The following GRIK5 variants were observed in gnomAD, a reference collection of about 807,000 sequenced individuals.
GRIK5 encodes glutamate ionotropic receptor kainate type subunit 5.
In GRIK5, 43 loss-of-function variants were observed where a neutral mutation model predicts 97.4. The observed-to-expected ratio is 0.44, with a 90% CI of 0.35 to 0.57. The LOEUF (loss-of-function observed/expected upper bound fraction) is 0.57. Ranked by LOEUF, GRIK5 falls within the 20% of genes least tolerant of loss-of-function variation. The pLI is 0.01. For synonymous variants in GRIK5, 580 were observed against 583.5 expected, an observed-to-expected ratio of 0.99 and a Z score of 0.09; for missense variants, 1,015 against 1,382.0, an observed-to-expected ratio of 0.73 and a Z score of 4.21.
chr19:42,054,754 G>C (rs529677945), intron 8 of GRIK5, among the ~76,000 whole-genome samples: 1 of 152,328 alleles, frequency 6.6e-6, no homozygotes, highest in South Asian at 2.1e-4. Flanking sequence ...ATAGCTAGCT[G>C]TGTCACCTGC....
At chr19:42,004,951 G>A (rs1599743082) in intron 17 of GRIK5, among the ~76,000 whole-genome samples, 1 of 152,042 alleles carries the variant, frequency 6.6e-6, no homozygotes. Flanking sequence ...TGTGACTCCT[G>A]AGCCTGTCCT....
rs1438484131 is a variant in GRIK5 at position 42,021,756 on chromosome 19, ACAGT to A, written c.1697+187_1697+190del. On this transcript the variant is annotated intron_variant, in intron 14 of 19. Coordinates refer to ENST00000593562, the MANE Select transcript of GRIK5 (RefSeq NM_002088.5). The surrounding 1 kb of genome is among the most constrained non-coding windows in gnomAD (Gnocchi z 4.2). ...AGACCTGAACAGAGAACCACAGAGC[ACAGT>A]CAGAGCCACAAGGGGAAGAATGAGA... 2.0e-5 allele frequency among the ~76,000 whole-genome samples: 3 copies of A among 152,192 alleles called. No individual in the cohort carries two copies. Among genetic ancestry groups the A allele is most frequent in the Admixed American group, 1.3e-4 (2 of 15,288 alleles).
chr19:42,066,745 C>T (rs907750198), intron 1 of GRIK5, among the ~76,000 whole-genome samples: 2 of 151,234 alleles, frequency 1.3e-5, no homozygotes, highest in South Asian at 2.1e-4. Flanking sequence ...GAGCAGGGAG[C>T]GGAGGAAAGA....
chr19:41,998,666 C>T lies in GRIK5; in HGVS notation c.*205G>A, dbSNP rs894647963. On this transcript the variant is annotated 3_prime_UTR_variant, in exon 20 of 20. Coordinates refer to ENST00000593562, the MANE Select transcript of GRIK5 (RefSeq NM_002088.5). ...TCCTGCGCCCTTCTCGCCCGCGGCA[C>T]CCTCTCGCGAGTCCACTGGGGGGCG... The T allele has an allele frequency of 5.0e-6, 1 of 198,498 alleles. No homozygotes were observed. The highest frequency in any genetic ancestry group is 6.0e-5 in the Admixed American group (1 of 16,628). 12.3% of individuals were successfully genotyped at this position (198,498 alleles called of 1,614,324 possible).
chr19:42,038,822 C>A (rs769602888), intron 12 of GRIK5, among the ~76,000 whole-genome samples: 1 of 152,228 alleles, frequency 6.6e-6, no homozygotes, highest in Non-Finnish European at 1.5e-5. Flanking sequence ...GTTGTGATGA[C>A]GGTGGTGACT....
chr19:42,028,637 TC>T (rs1269870529), intron 12 of GRIK5, among the ~76,000 whole-genome samples: 1 of 152,366 alleles, frequency 6.6e-6, no homozygotes. Context: ...GGTCTGACTT[TC>T]AGCTCCACAG....
chr19:42,055,830 A>T (rs558800048), intron 8 of GRIK5, among the ~76,000 whole-genome samples: 3 of 151,468 alleles, frequency 2.0e-5, no homozygotes, highest in Admixed American at 6.6e-5. Context: ...TTACAGGCAT[A>T]CGCCACCACA....
At chr19:42,060,921 T>C (rs75421566) in intron 5 of GRIK5, among the ~76,000 whole-genome samples, 93 of 152,318 alleles carry the variant, frequency 6.1e-4, no homozygotes, top group African/African-American at 2.2e-3. Context: ...GTAATGCACT[T>C]ATTTGTGGTG....
At chr19:42,059,660 C>T in intron 5 of GRIK5, 133 bp from the exon 6 acceptor site, 2 of 711,302 alleles carry the variant, frequency 2.8e-6, no homozygotes, top group South Asian at 4.0e-5. Context: ...GCAGCTGGGT[C>T]CCATGGGGTA....
In GRIK5 at chr19:42,062,411, C is replaced by T; in HGVS notation, c.508+77G>A. 9.4e-6 allele frequency: 14 copies of T among 1,482,642 alleles called. No homozygotes were observed. Among genetic ancestry groups the T allele is most frequent in the Non-Finnish European group, 1.3e-5 (14 of 1,081,012 alleles). The allele number at this position is 1,482,642 out of a possible 1,614,324, so 91.8% of individuals were successfully genotyped here. A position where few individuals can be genotyped will look rare whatever the true frequency, so the allele number is the denominator to read the frequency against. On this transcript the variant is annotated intron_variant, in intron 5 of 19. Coordinates refer to ENST00000593562, the MANE Select transcript of GRIK5 (RefSeq NM_002088.5). This position sits in a 1 kb window ranked among gnomAD's most constrained non-coding sequence, Gnocchi z 5.3. ...AGGGTTCTAACTAGGGGGCAGTGAA[C>T]CACTGTGTGGGACACCAGATCTCTT...
Position 42,065,079 on chromosome 19 carries a change from G to T in GRIK5, c.244+144C>A. The stretch of plus-strand genomic sequence containing the variant: ...CCCAGGCCCAGCAGCAGCCATGTCT[G>T]GGAAGAAGGCAGAGACAAACACAAA... On this transcript the variant is annotated intron_variant, in intron 3 of 19. Transcript: ENST00000593562. The surrounding 1 kb of genome is among the most constrained non-coding windows in gnomAD (Gnocchi z 5.8). 1.4e-6 allele frequency: 1 copy of T among 713,110 alleles called. No homozygotes were observed. The highest frequency in any genetic ancestry group is 2.3e-6 in the Non-Finnish European group (1 of 443,304). 44.2% of individuals were successfully genotyped at this position (713,110 alleles called of 1,614,324 possible).
chr19:42,068,545 A>G, intron 1 of GRIK5: 1 of 399,994 alleles, frequency 2.5e-6, no homozygotes, highest in Non-Finnish European at 4.4e-6. Flanking sequence ...TGGAAAAGTG[A>G]CAGAGGGAAG....
At chr19:42,025,504 C>T (rs564258896) in intron 12 of GRIK5, among the ~76,000 whole-genome samples, 4 of 152,206 alleles carry the variant, frequency 2.6e-5, no homozygotes, top group South Asian at 2.1e-4. Flanking sequence ...GCCAATATGG[C>T]GGCGGCAGCA....
chr19:42,043,399 ATTTTT>A (rs984583211), intron 11 of GRIK5, among the ~76,000 whole-genome samples: 5 of 121,314 alleles, frequency 4.1e-5, no homozygotes, highest in Non-Finnish European at 6.9e-5. Flanking sequence ...AGATGGTGCA[ATTTTT>A]TTTTTTTTTT....
intron 12 of GRIK5, among the ~76,000 whole-genome samples, chr19:42,029,237 T>A (rs2075810966): frequency 6.6e-6 from 1 of 151,916 alleles, no homozygotes; most frequent in African/African-American, 2.4e-5. Context: ...CCAGCTAATT[T>A]TTGTATTTTT....
intron 12 of GRIK5, among the ~76,000 whole-genome samples, chr19:42,030,889 C>A (rs147505030): frequency 2.0e-4 from 31 of 152,280 alleles, no homozygotes; most frequent in African/African-American, 7.5e-4. Context: ...GATCAGCATA[C>A]TGTTGTCAAT....
chr19:42,002,389 TG>T lies in GRIK5; in HGVS notation c.2514+942del. ...CCAATAAAGAGAGGACAACTGATGC[TG>T]CAGGAGGAAAGGACAGACTTGCCGG... On this transcript the variant is annotated intron_variant, in intron 19 of 19. Coordinates refer to ENST00000593562, the MANE Select transcript of GRIK5 (RefSeq NM_002088.5). The surrounding 1 kb of genome is among the most constrained non-coding windows in gnomAD (Gnocchi z 5.2). 1.4e-6 allele frequency: 1 copy of T among 717,626 alleles called. No individual in the cohort carries two copies. Among genetic ancestry groups the T allele is most frequent in the South Asian group, 1.5e-5 (1 of 67,596 alleles). 44.5% of individuals were successfully genotyped at this position (717,626 alleles called of 1,614,324 possible). A position where few individuals can be genotyped will look rare whatever the true frequency, so the allele number is the denominator to read the frequency against.
At chr19:42,029,933 T>A (rs766959275) in intron 12 of GRIK5, among the ~76,000 whole-genome samples, 10 of 152,272 alleles carry the variant, frequency 6.6e-5, no homozygotes, top group Non-Finnish European at 8.8e-5. Flanking sequence ...CTGTCTCAGC[T>A]CTGTGGGGCC....
chr19:42,064,650 T>C (rs2076304769), intron 3 of GRIK5, among the ~76,000 whole-genome samples: 1 of 152,178 alleles, frequency 6.6e-6, no homozygotes, highest in African/African-American at 2.4e-5. Flanking sequence ...AAGCCTCTGA[T>C]AAGGCCTGCA....
Sources: gnomAD v4.1 joint callset for allele counts (sites outside exome capture counted in the v4.1 genomes callset) on GRCh38, gnomAD v4.1.1 for gene constraint, Gnocchi (gnomAD v3.1) non-coding constraint, MANE v1.5 for transcripts, NCBI Gene and HGNC (gene_info 2026-07-23, HGNC 2026-07-21) for gene names.